CAMK1D: variants seen among roughly 807,000 people sequenced by gnomAD.
CAMK1D encodes the protein calcium/calmodulin-dependent protein kinase type 1D.
Under a neutral mutation model 47.7 loss-of-function variants are expected in CAMK1D, and 9 were observed. The ratio of observed to expected loss-of-function variants is 0.19; its 90% CI spans 0.11 to 0.33. The LOEUF (loss-of-function observed/expected upper bound fraction) is 0.33, where lower values mean the gene tolerates loss of function less well. Ranked by LOEUF, CAMK1D falls within the 10% of genes least tolerant of loss-of-function variation. The pLI is 1.00. For missense variants in CAMK1D, 291 were observed against 488.7 expected (o/e 0.60, Z 3.81); for synonymous variants, 184 against 184.9 (o/e 0.99, Z 0.04).
chr10:12,541,419 A>G (rs1449984295), intron 1 of CAMK1D, among the ~76,000 whole-genome samples: 1 of 152,108 alleles, frequency 6.6e-6, no homozygotes, highest in Admixed American at 6.5e-5. Flanking sequence ...GCTGGAGTGC[A>G]GTGACGTGAT....
Position 12,694,241 on chromosome 10 carries a change from T to TTATACATAATATAA in CAMK1D, c.299+27431_299+27432insTATACATAATATAA, listed in dbSNP as rs1266022386. Among the ~76,000 whole-genome samples the TTATACATAATATAA allele has an allele frequency of 1.2e-4, 2 of 17,208 alleles. 1 individual carries two copies. Among genetic ancestry groups the TTATACATAATATAA allele is most frequent in the East Asian group, 7.0e-3 (2 of 284 alleles). The allele number at this position is 17,208 out of a possible 152,430, so 11.3% of individuals were successfully genotyped here. A position where few individuals can be genotyped will look rare whatever the true frequency, so the allele number is the denominator to read the frequency against. On this transcript the variant is annotated intron_variant, in intron 3 of 10. Coordinates refer to ENST00000619168, the MANE Select transcript of CAMK1D (RefSeq NM_153498.4). Reference sequence around the variant, plus strand: ...TAAAATATATATTATGTATAATATATAATATATATTATGTATAATATATAA... The same window carrying TTATACATAATATAA: ...TAAAATATATATTATGTATAATATATTATACATAATATAAAATATATATTATGTATAATATATAA...
intron 3 of CAMK1D, among the ~76,000 whole-genome samples, chr10:12,721,468 C>A (rs1018948791): frequency 6.6e-6 from 1 of 152,108 alleles, no homozygotes; most frequent in African/African-American, 2.4e-5. Context: ...TATTAGATGG[C>A]TCCAAGCTTC....
intron 2 of CAMK1D, among the ~76,000 whole-genome samples, chr10:12,593,913 A>G (rs1838069062): frequency 6.6e-6 from 1 of 152,258 alleles, no homozygotes; most frequent in Middle Eastern, 3.4e-3. Flanking sequence ...GCGGTGGCTC[A>G]CGCCTGTAAT....
chr10:12,550,206 G>A (rs987337796), intron 1 of CAMK1D, among the ~76,000 whole-genome samples: 1 of 152,176 alleles, frequency 6.6e-6, no homozygotes, highest in African/African-American at 2.4e-5. Flanking sequence ...GGACCATTGG[G>A]GTGTCATCAG....
intron 3 of CAMK1D, among the ~76,000 whole-genome samples, chr10:12,708,836 A>G (rs1298620415): frequency 3.3e-5 from 5 of 152,138 alleles, no homozygotes; most frequent in East Asian, 3.9e-4. Flanking sequence ...CTTGTTTTCA[A>G]TGATCCCATT....
At chr10:12,789,042 G>A (rs1290999585) in intron 5 of CAMK1D, among the ~76,000 whole-genome samples, 3 of 152,188 alleles carry the variant, frequency 2.0e-5, no homozygotes, top group Non-Finnish European at 2.9e-5. Context: ...CTACCTTCCT[G>A]TTCTTGCTCA....
chr10:12,782,120 CTCT>C (rs1025508148), intron 5 of CAMK1D, among the ~76,000 whole-genome samples: 3 of 152,058 alleles, frequency 2.0e-5, no homozygotes, highest in South Asian at 2.1e-4. Context: ...AAGCCTTCTG[CTCT>C]TCTTCTGTGA....
At chr10:12,426,033 C>A (rs1200207219) in intron 1 of CAMK1D, among the ~76,000 whole-genome samples, 1 of 152,210 alleles carries the variant, frequency 6.6e-6, no homozygotes, top group Admixed American at 6.5e-5. Flanking sequence ...CTAACTTTAG[C>A]TGATCTTGGT....
At chr10:12,679,273 G>C (rs1840912374) in intron 3 of CAMK1D, among the ~76,000 whole-genome samples, 1 of 152,044 alleles carries the variant, frequency 6.6e-6, no homozygotes, top group Non-Finnish European at 1.5e-5. Context: ...AGAAGTCATA[G>C]AAAGTACATT....
chr10:12,350,126 A>C (rs1439050265), intron 1 of CAMK1D, among the ~76,000 whole-genome samples: 2 of 152,002 alleles, frequency 1.3e-5, no homozygotes, highest in Non-Finnish European at 2.9e-5. Flanking sequence ...GGGAGGGGGC[A>C]GCGCCGGGCT....
At chr10:12,728,371 C>T (rs1440098894) in intron 3 of CAMK1D, among the ~76,000 whole-genome samples, 1 of 152,232 alleles carries the variant, frequency 6.6e-6, no homozygotes, top group Non-Finnish European at 1.5e-5. Flanking sequence ...GCGCTAGTTA[C>T]ATCGGTACAA....
chr10:12,745,411 G>A (rs918951359), intron 3 of CAMK1D, among the ~76,000 whole-genome samples: 5 of 151,474 alleles, frequency 3.3e-5, no homozygotes, highest in Non-Finnish European at 7.4e-5. Context: ...GTGTGCGCAC[G>A]CACACACACA....
At chr10:12,563,700 G>GAGAGAGAGAGAGAGAGAGAGAGA (rs1564414542) in intron 2 of CAMK1D, among the ~76,000 whole-genome samples, 2 of 85,176 alleles carry the variant, frequency 2.3e-5, no homozygotes, top group Non-Finnish European at 5.0e-5. Context: ...AGAGAGAGAG[G>GAGAGAGAGAGAGAGAGAGAGAGA]GAGAGAGAGG....
At chr10:12,553,500 A>C in intron 2 of CAMK1D, 144 bp downstream of exon 2, 1 of 638,872 alleles carries the variant, frequency 1.6e-6, no homozygotes, top group African/African-American at 1.8e-5. Context: ...CCAACTTTCA[A>C]AGCACTTTTC....
At chr10:12,621,377 A>G (rs114459258) in intron 2 of CAMK1D, among the ~76,000 whole-genome samples, 2,394 of 152,290 alleles carry the variant, frequency 0.016, 56 homozygotes, top group African/African-American at 0.055. Flanking sequence ...CATCTTTACT[A>G]TGTTGAGTCT....
intron 1 of CAMK1D, among the ~76,000 whole-genome samples, chr10:12,395,794 G>A (rs1838923181): frequency 6.6e-6 from 1 of 151,760 alleles, no homozygotes; most frequent in African/African-American, 2.4e-5. Context: ...GGGCATGGTG[G>A]TGCGTGCCGG....
At chr10:12,543,498 G>A (rs1836265142) in intron 1 of CAMK1D, among the ~76,000 whole-genome samples, 1 of 151,946 alleles carries the variant, frequency 6.6e-6, no homozygotes, top group African/African-American at 2.4e-5. Context: ...TGTATCTCTG[G>A]GCTTGGCTTG....
chr10:12,450,860 A>T (rs1467375601), intron 1 of CAMK1D, among the ~76,000 whole-genome samples: 1 of 152,190 alleles, frequency 6.6e-6, no homozygotes, highest in Admixed American at 6.5e-5. Flanking sequence ...TAAAAGAAGG[A>T]TGAAAAACTC....
intron 10 of CAMK1D, 110 bp from the exon 11 acceptor site, chr10:12,828,659 G>T: frequency 4.9e-6 from 3 of 613,904 alleles, no homozygotes; most frequent in Middle Eastern, 4.9e-4. Context: ...AAAAAAATTG[G>T]GCCCCCCCGC....
Sources: allele counts gnomAD v4.1 joint callset (sites outside exome capture counted in the v4.1 genomes callset), GRCh38; gene constraint gnomAD v4.1.1; transcripts MANE v1.5; gene names NCBI Gene and HGNC (gene_info 2026-07-23, HGNC 2026-07-21).